The following ITGA9 variants were observed in gnomAD, a reference collection of about 807,000 sequenced individuals.
The protein encoded by ITGA9 is integrin alpha-9.
Under a neutral mutation model 127.8 loss-of-function variants are expected in ITGA9, and 56 were observed. The observed-to-expected ratio is 0.44, with a 90% CI of 0.35 to 0.55. The LOEUF is 0.55. ITGA9 is among the 20% of genes least tolerant of loss of function. ITGA9 has a pLI of 0.00. For missense variants in ITGA9, 1,196 were observed against 1,347.1 expected (o/e 0.89, Z 1.76); for synonymous variants, 508 against 514.5 (o/e 0.99, Z 0.17).
rs982415375 is a variant in ITGA9 at position 37,629,579 on chromosome 3, A to G, written c.1839+243A>G. 8 of 619,820 alleles carry G rather than the reference A, an allele frequency of 1.3e-5. No individual in the cohort carries two copies. The African/African-American group carries it at 1.5e-4, about 11-fold the overall frequency. The allele number at this position is 619,820 out of a possible 1,614,324, so 38.4% of individuals were successfully genotyped here. On this transcript the variant is annotated intron_variant, in intron 16 of 27. Coordinates refer to ENST00000264741, the MANE Select transcript of ITGA9 (RefSeq NM_002207.3). This position sits in a 1 kb window ranked among gnomAD's most constrained non-coding sequence, Gnocchi z 4.5. Reference sequence around the variant, plus strand: ...CAATTCTCAGGCTGTTAGAAGTTACAATCCCCTCGAGTTCGTGAACTGGCT... The same window carrying G: ...CAATTCTCAGGCTGTTAGAAGTTACGATCCCCTCGAGTTCGTGAACTGGCT...
At chr3:37,632,974 T>C (rs1196918755) in intron 16 of ITGA9, among the ~76,000 whole-genome samples, 1 of 152,190 alleles carries the variant, frequency 6.6e-6, no homozygotes, top group East Asian at 1.9e-4. Context: ...AAGGAAATTA[T>C]CTTGTACTTC....
intron 17 of ITGA9, among the ~76,000 whole-genome samples, chr3:37,663,400 G>A (rs1459917706): frequency 6.6e-6 from 1 of 152,172 alleles, no homozygotes; most frequent in Non-Finnish European, 1.5e-5. Flanking sequence ...AGACACAGCA[G>A]GATATCTGTA....
In ITGA9 at chr3:37,542,418, T is replaced by C. The variant is rs370061666; in HGVS notation, c.1529-7T>C. On this transcript the variant is annotated splice_polypyrimidine_tract_variant and splice_region_variant and intron_variant, in intron 14 of 27. Transcript: ENST00000264741. ...TTCTGACATTTTGACCTCTCATTTA[T>C]TGGCAGGCCTGAATTATGTTCTGAT... The C allele has an allele frequency of 3.2e-5, 52 of 1,613,070 alleles. No homozygotes were observed. The highest frequency in any genetic ancestry group is 1.1e-4 in the East Asian group (5 of 44,890).
At chr3:37,552,786 A>G (rs938511019) in intron 15 of ITGA9, among the ~76,000 whole-genome samples, 1 of 152,156 alleles carries the variant, frequency 6.6e-6, no homozygotes, top group African/African-American at 2.4e-5. Context: ...ATGCTGAGGC[A>G]GGCAGACCAT....
intron 23 of ITGA9, among the ~76,000 whole-genome samples, chr3:37,773,257 G>C (rs1177190720): frequency 1.3e-5 from 2 of 152,254 alleles, no homozygotes; most frequent in Non-Finnish European, 2.9e-5. Flanking sequence ...AGGGCTCAGA[G>C]GTTCTGTTTC....
chr3:37,540,662 T>C (rs551081564), intron 14 of ITGA9, among the ~76,000 whole-genome samples: 394 of 152,298 alleles, frequency 2.6e-3, no homozygotes, highest in Non-Finnish European at 4.4e-3. Flanking sequence ...AGTTCCCTCA[T>C]CTTAAAAAAT....
chr3:37,699,341 A>G (rs1700921266), intron 18 of ITGA9, among the ~76,000 whole-genome samples: 1 of 152,144 alleles, frequency 6.6e-6, no homozygotes, highest in South Asian at 2.1e-4. Flanking sequence ...AAGATGTCCA[A>G]AATGAGTTCC....
intron 15 of ITGA9, among the ~76,000 whole-genome samples, chr3:37,583,642 T>C (rs1266627471): frequency 6.6e-6 from 1 of 152,244 alleles, no homozygotes; most frequent in African/African-American, 2.4e-5. Context: ...GAGGCAACTA[T>C]GTAGTTCATG....
At chr3:37,500,572 C>T (rs1443264844) in intron 5 of ITGA9, among the ~76,000 whole-genome samples, 1 of 152,150 alleles carries the variant, frequency 6.6e-6, no homozygotes. Flanking sequence ...CAGGCTCTAT[C>T]CTCCTCTCTC....
intron 4 of ITGA9, among the ~76,000 whole-genome samples, chr3:37,491,086 C>T (rs1162656510): frequency 6.6e-6 from 1 of 151,650 alleles, no homozygotes; most frequent in Non-Finnish European, 1.5e-5. Context: ...AAGCCATCCT[C>T]CCACCTCAGC....
chr3:37,469,275 G>C (rs149816), intron 1 of ITGA9, among the ~76,000 whole-genome samples: 11,245 of 152,220 alleles, frequency 0.074, 496 homozygotes, highest in Admixed American at 0.12. Context: ...TCTTGCTCCT[G>C]TTTGCATGCA....
intron 16 of ITGA9, among the ~76,000 whole-genome samples, chr3:37,634,964 G>A (rs188957048): frequency 1.1e-4 from 16 of 152,244 alleles, no homozygotes; most frequent in African/African-American, 2.6e-4. Context: ...TCACAAATAC[G>A]TGGAAATTAA....
chr3:37,785,649 A>T (rs562324727), intron 26 of ITGA9, among the ~76,000 whole-genome samples: 53 of 152,174 alleles, frequency 3.5e-4, no homozygotes, highest in South Asian at 1.2e-3. Flanking sequence ...TAAATTTTTT[A>T]AAATTTTTTT....
At chr3:37,689,665 C>T (rs1700812979) in intron 18 of ITGA9, among the ~76,000 whole-genome samples, 1 of 152,250 alleles carries the variant, frequency 6.6e-6, no homozygotes. Context: ...TCACCATTCA[C>T]ACTGGGTTCC....
chr3:37,760,830 A>T (rs1045775710), intron 23 of ITGA9, among the ~76,000 whole-genome samples: 1 of 152,226 alleles, frequency 6.6e-6, no homozygotes, highest in Non-Finnish European at 1.5e-5. Context: ...TAAAAATGTT[A>T]AACTTTTATG....
At chr3:37,602,089 C>CA (rs1699927822) in intron 15 of ITGA9, among the ~76,000 whole-genome samples, 1 of 152,174 alleles carries the variant, frequency 6.6e-6, no homozygotes, top group Non-Finnish European at 1.5e-5. Flanking sequence ...GATCCGTCCC[C>CA]ATGACCCAAG....
At chr3:37,612,493 G>C (rs1279668266) in intron 15 of ITGA9, among the ~76,000 whole-genome samples, 1 of 152,048 alleles carries the variant, frequency 6.6e-6, no homozygotes. Context: ...TTCTATCGAC[G>C]GTAGAGTCAC....
chr3:37,789,928 T>C, intron 26 of ITGA9: 1 of 705,058 alleles, frequency 1.4e-6, no homozygotes, highest in Non-Finnish European at 2.3e-6. Flanking sequence ...TCATTTTGAT[T>C]GTATTGCTTT....
intron 15 of ITGA9, among the ~76,000 whole-genome samples, chr3:37,580,155 T>A (rs1699696738): frequency 6.6e-6 from 1 of 152,026 alleles, no homozygotes; most frequent in Non-Finnish European, 1.5e-5. Context: ...TGGGGAGAAA[T>A]CTTTATGAAA....
Sources: allele counts gnomAD v4.1 joint callset (sites outside exome capture counted in the v4.1 genomes callset), GRCh38; gene constraint gnomAD v4.1.1; non-coding constraint Gnocchi (gnomAD v3.1); transcripts MANE v1.5; gene names NCBI Gene and HGNC (gene_info 2026-07-23, HGNC 2026-07-21).